SMC3: variants seen among roughly 807,000 people sequenced by gnomAD.
SMC3 encodes the protein structural maintenance of chromosomes 3.
Under a neutral mutation model 171.8 loss-of-function variants are expected in SMC3, and 20 were observed. The ratio of observed to expected loss-of-function variants is 0.12; its 90% CI spans 0.08 to 0.17. The LOEUF (loss-of-function observed/expected upper bound fraction) is 0.17. SMC3 is among the 10% of genes least tolerant of loss of function. The pLI, the probability that SMC3 is intolerant of heterozygous loss-of-function variation, is 1.00. For missense variants in SMC3, 543 were observed against 1,420.4 expected (o/e 0.38, Z 9.93); for synonymous variants, 464 against 451.1 (o/e 1.03, Z -0.36).
rs1236506650 is a variant in SMC3, at chr10:110,598,427, C to CT, written c.2268+137_2268+138insT. On this transcript the variant is annotated intron_variant, in intron 20 of 28. Coordinates refer to ENST00000361804, the MANE Select transcript of SMC3 (RefSeq NM_005445.4). ...GACCCATACTTTTTTTTTTTGAAGA[C>CT]AGAGTCTCTTTCTGTCTCACCCAGG... 43 of 894,576 alleles carry CT rather than the reference C, an allele frequency of 4.8e-5. 1 individual carries two copies. Among genetic ancestry groups the CT allele is most frequent in the Non-Finnish European group, 7.4e-5 (42 of 568,490 alleles). 55.4% of individuals were successfully genotyped at this position (894,576 alleles called of 1,614,324 possible). A position where few individuals can be genotyped will look rare whatever the true frequency, so the allele number is the denominator to read the frequency against.
At chr10:110,576,128 C>T (rs1009765003) in intron 4 of SMC3, among the ~76,000 whole-genome samples, 4 of 152,088 alleles carry the variant, frequency 2.6e-5, no homozygotes, top group Non-Finnish European at 4.4e-5. Context: ...TACAGTTGAG[C>T]AAAATGATCT....
intron 13 of SMC3, among the ~76,000 whole-genome samples, chr10:110,586,048 G>A (rs542174502): frequency 3.3e-5 from 5 of 151,650 alleles, no homozygotes; most frequent in Admixed American, 2.0e-4. Flanking sequence ...TGCCTGCCTC[G>A]GCCTCCCAAA....
intron 2 of SMC3, among the ~76,000 whole-genome samples, chr10:110,569,845 C>T (rs550164235): frequency 6.6e-6 from 1 of 152,256 alleles, no homozygotes; most frequent in Admixed American, 6.5e-5. Flanking sequence ...GTGCATTTTG[C>T]TGATACAGCT....
At position 110,582,188 on chromosome 10, in the gene SMC3, T is replaced by C. The variant is rs1488645919; in HGVS notation, c.723+90T>C. On this transcript the variant is annotated intron_variant, in intron 9 of 28. Transcript: ENST00000361804. ...AGGCCATAATTACACTTTTCAGTGATTTTAAATAGAAACTTAAAAAAAACC... is the reference window on the plus strand; with the variant it reads ...AGGCCATAATTACACTTTTCAGTGACTTTAAATAGAAACTTAAAAAAAACC... 2.6e-6 allele frequency: 3 copies of C among 1,161,912 alleles called. No individual in the cohort carries two copies. The African/African-American group carries it at 4.6e-5, about 18-fold the overall frequency. The allele number at this position is 1,161,912 out of a possible 1,614,324, so 72.0% of individuals were successfully genotyped here. A position where few individuals can be genotyped will look rare whatever the true frequency, so the allele number is the denominator to read the frequency against.
Position 110,605,472 on chromosome 10 carries a change from G to C in SMC3, c.*1170G>C, listed in dbSNP as rs1049667644. On this transcript the variant is annotated 3_prime_UTR_variant, in exon 29 of 29. Transcript: ENST00000361804. Reference sequence around the variant, plus strand: ...CTGAGTTTATACTGGTTATCTGCAGGAGAATTTGTTAGGAGCTACTCTTCC... The same window carrying C: ...CTGAGTTTATACTGGTTATCTGCAGCAGAATTTGTTAGGAGCTACTCTTCC... 6.6e-6 allele frequency among the ~76,000 whole-genome samples: 1 copy of C among 152,004 alleles called. No homozygotes were observed. Among genetic ancestry groups the C allele is most frequent in the African/African-American group, 2.4e-5 (1 of 41,386 alleles).
At position 110,599,798 on chromosome 10, in the gene SMC3, C is replaced by T. The variant is rs760111391; in HGVS notation, c.2413C>T (p.Arg805Cys). The T allele has an allele frequency of 1.2e-6, 2 of 1,613,996 alleles. No homozygotes were observed. Among genetic ancestry groups the T allele is most frequent in the Non-Finnish European group, 1.7e-6 (2 of 1,179,978 alleles). The change falls in exon 21 of 29, where the codon CGT becomes TGT. Residue 805 changes from arginine to cysteine, a missense_variant. Coordinates refer to ENST00000361804, the MANE Select transcript of SMC3 (RefSeq NM_005445.4). Reference protein sequence around the residue: ...KRVDALNDEIRQLQQENRQLL... With the variant: ...KRVDALNDEICQLQQENRQLL... ...AGTAGATGCACTGAATGATGAGATT[C>T]GTCAACTTCAGCAGGTAAGTAGACA...
intron 17 of SMC3, among the ~76,000 whole-genome samples, chr10:110,592,669 G>C (rs1409527175): frequency 6.6e-6 from 1 of 152,100 alleles, no homozygotes; most frequent in Non-Finnish European, 1.5e-5. Flanking sequence ...CGTAAGTTTT[G>C]CATATATTAA....
At position 110,584,389 on chromosome 10, in the gene SMC3, A is replaced by G; in HGVS notation, c.1298A>G (p.Gln433Arg). The change falls in exon 13 of 29, where the codon CAG (glutamine) becomes CGG (arginine). Residue 433 changes from glutamine to arginine, a missense_variant. Transcript: ENST00000361804. ...GCAAATAAAGAGAAAAATCTGGAGCAGTATAATGTAAGAACTTCTATAGCT... is the reference window on the plus strand; with the variant it reads ...GCAAATAAAGAGAAAAATCTGGAGCGGTATAATGTAAGAACTTCTATAGCT... ...TEANKEKNLE[Q>R]YNKLDQDLNE... 1 of 1,609,622 alleles carries G rather than the reference A, an allele frequency of 6.2e-7. No homozygotes were observed. The highest frequency in any genetic ancestry group is 8.5e-7 in the Non-Finnish European group (1 of 1,176,818).
intron 17 of SMC3, 52 bp from the exon 18 acceptor site, chr10:110,593,021 G>A (rs1861233021): frequency 7.2e-7 from 1 of 1,387,734 alleles, no homozygotes. Flanking sequence ...ATAATTCTAA[G>A]TTCTTAGTTA....
intron 4 of SMC3, 59 bp from the exon 5 acceptor site, chr10:110,577,362 C>G: frequency 7.7e-7 from 1 of 1,292,018 alleles, no homozygotes; most frequent in African/African-American, 1.5e-5. Flanking sequence ...TTTAAGAATC[C>G]TTTAAAGGAT....
At chr10:110,586,909 A>T (rs1554882904) in intron 13 of SMC3, among the ~76,000 whole-genome samples, 1 of 152,012 alleles carries the variant, frequency 6.6e-6, no homozygotes, top group Non-Finnish European at 1.5e-5. Flanking sequence ...CGCCCACCTG[A>T]GCCTCCCAAA....
intron 15 of SMC3, among the ~76,000 whole-genome samples, 184 bp from the exon 16 acceptor site, chr10:110,590,228 G>C (rs1861184444): frequency 6.6e-6 from 1 of 152,246 alleles, no homozygotes; most frequent in Non-Finnish European, 1.5e-5. Context: ...TTATGGAACA[G>C]AGCCTATCAT....
In SMC3 at chr10:110,575,326, G is replaced by A. The variant is rs749066341; in HGVS notation, c.131-10G>A. 5.6e-6 allele frequency: 9 copies of A among 1,611,476 alleles called. No homozygotes were observed. The highest frequency in any genetic ancestry group is 1.1e-5 in the South Asian group (1 of 91,022). On this transcript the variant is annotated splice_polypyrimidine_tract_variant and intron_variant, in intron 3 of 28. Transcript: ENST00000361804. ...TTAGGGTATACTAATAGTTGTTTTT[G>A]TATTTCCAGCAATTCAGTTTGTTCT...
At position 110,603,167 on chromosome 10, in the gene SMC3, C is replaced by G; in HGVS notation, c.3476-17C>G. 6.3e-7 allele frequency: 1 copy of G among 1,581,780 alleles called. No individual in the cohort carries two copies. The highest frequency in any genetic ancestry group is 1.3e-5 in the African/African-American group (1 of 74,328). On this transcript the variant is annotated splice_polypyrimidine_tract_variant and intron_variant, in intron 27 of 28. Coordinates refer to ENST00000361804, the MANE Select transcript of SMC3 (RefSeq NM_005445.4). ...TGCTGAAAAGAAATTTGTTAAAGCA[C>G]AATTTTCTTTTTACAGATATGATTA...
At chr10:110,594,080 A>G (rs1482114985) in intron 18 of SMC3, among the ~76,000 whole-genome samples, 1 of 119,010 alleles carries the variant, frequency 8.4e-6, no homozygotes, top group Admixed American at 9.3e-5. Flanking sequence ...CGTACTTGAT[A>G]TTTAGTTGAT....
At position 110,591,064 on chromosome 10, in the gene SMC3, C is replaced by T; in HGVS notation, c.1744C>T (p.Pro582Ser). Residue 582 changes from proline to serine, a missense_variant, in exon 17 of 29, where the codon CCT becomes TCT. This residue lies in a region of SMC3 where 218 missense variants were observed against 509.6 expected (regional missense o/e 0.43). Transcript: ENST00000361804. ...AATGGAGTTTAATAAAATGAATCTT[C>T]CTGGAGAGGTTACTTTTCTGCCTCT... ...ILMEFNKMNL[P>S]GEVTFLPLNK... 6.2e-7 allele frequency: 1 copy of T among 1,613,362 alleles called. No homozygotes were observed. Among genetic ancestry groups the T allele is most frequent in the South Asian group, 1.1e-5 (1 of 91,060 alleles).
intron 10 of SMC3, 54 bp from the exon 11 acceptor site, chr10:110,583,330 A>G (rs1002115400): frequency 9.2e-6 from 13 of 1,414,140 alleles, no homozygotes; most frequent in South Asian, 3.5e-5. Context: ...TGGTGTCACA[A>G]TTCTGCTATT....
chr10:110,568,610 T>G (rs1462986391), intron 1 of SMC3: 1 of 294,640 alleles, frequency 3.4e-6, no homozygotes, highest in Non-Finnish European at 6.4e-6. Flanking sequence ...GTCGGCCTGC[T>G]TTTATAGACT....
chr10:110,585,213 C>T (rs999316278), intron 13 of SMC3, among the ~76,000 whole-genome samples: 6 of 151,116 alleles, frequency 4.0e-5, no homozygotes, highest in Non-Finnish European at 8.8e-5. Flanking sequence ...CTCCCAACCT[C>T]AGGTGATCTG....
Sources: allele counts gnomAD v4.1 joint callset (sites outside exome capture counted in the v4.1 genomes callset), GRCh38; gene constraint gnomAD v4.1.1; regional missense constraint gnomAD v4.1.1; transcripts MANE v1.5; gene names NCBI Gene and HGNC (gene_info 2026-07-23, HGNC 2026-07-21).